The following PRKD1 variants were observed in gnomAD, a reference collection of about 807,000 sequenced individuals.
PRKD1 encodes protein kinase D1, also known as serine/threonine-protein kinase D1.
A neutral mutation model predicts 95.9 loss-of-function variants in PRKD1; 63 were observed. The ratio of observed to expected loss-of-function variants is 0.66; its 90% CI spans 0.54 to 0.81. PRKD1 has a LOEUF of 0.81. Among genes scored for constraint, PRKD1 ranks in the 30% least tolerant of loss-of-function variants. PRKD1 has a pLI of 0.00. For missense variants in PRKD1, 1,048 were observed against 1,165.3 expected (o/e 0.90, Z 1.47); for synonymous variants, 425 against 423.1 (o/e 1.00, Z -0.05).
rs577709042 is a variant in PRKD1 at position 29,796,528 on chromosome 14, A to G, written c.265-70854T>C. Among the ~76,000 whole-genome samples, 20 of 152,306 alleles carry G rather than the reference A, an allele frequency of 1.3e-4. No individual in the cohort carries two copies. The South Asian group carries it at 2.7e-3, about 20-fold the overall frequency. On this transcript the variant is annotated intron_variant, in intron 1 of 17. Coordinates refer to ENST00000331968, the MANE Select transcript of PRKD1 (RefSeq NM_002742.3). ...CAGTCTATAAATCATATTTAATGTCATGAGACTGAATGAGATCCCCAACAA... is the reference window on the plus strand; with the variant it reads ...CAGTCTATAAATCATATTTAATGTCGTGAGACTGAATGAGATCCCCAACAA...
intron 9 of PRKD1, among the ~76,000 whole-genome samples, chr14:29,632,045 C>T (rs1265517202): frequency 6.6e-6 from 1 of 152,086 alleles, no homozygotes; most frequent in Non-Finnish European, 1.5e-5. Context: ...AAATGATCCA[C>T]CTGCCTCGGC....
At chr14:29,861,048 T>C (rs952696524) in intron 1 of PRKD1, among the ~76,000 whole-genome samples, 3 of 152,228 alleles carry the variant, frequency 2.0e-5, no homozygotes, top group Non-Finnish European at 4.4e-5. Context: ...CTTTTTAATA[T>C]TTGTATTAAA....
intron 1 of PRKD1, among the ~76,000 whole-genome samples, chr14:29,824,100 T>G (rs1240326607): frequency 2.0e-5 from 3 of 152,126 alleles, no homozygotes; most frequent in Non-Finnish European, 4.4e-5. Context: ...GAATTTTAAG[T>G]GAGTTATCAG....
intron 1 of PRKD1, among the ~76,000 whole-genome samples, chr14:29,876,155 T>A (rs780641635): frequency 6.6e-6 from 1 of 152,370 alleles, no homozygotes; most frequent in Non-Finnish European, 1.5e-5. Flanking sequence ...GGCTATTCAC[T>A]ATTCAAACAT....
At chr14:29,784,703 C>T (rs770821248) in intron 1 of PRKD1, among the ~76,000 whole-genome samples, 2 of 152,126 alleles carry the variant, frequency 1.3e-5, no homozygotes, top group South Asian at 4.1e-4. Context: ...TGAGGGTTCA[C>T]GGTTCAGCGT....
intron 1 of PRKD1, among the ~76,000 whole-genome samples, chr14:29,864,262 C>CAT (rs957064765): frequency 1.3e-4 from 19 of 151,758 alleles, no homozygotes; most frequent in Non-Finnish European, 2.2e-4. Flanking sequence ...AATCAAAGAA[C>CAT]ATATATATAT....
intron 1 of PRKD1, among the ~76,000 whole-genome samples, chr14:29,829,598 G>A (rs189393755): frequency 8.5e-5 from 13 of 152,258 alleles, no homozygotes; most frequent in Non-Finnish European, 1.8e-4. Context: ...TACTCTTGAT[G>A]TAATAAGAGA....
intron 16 of PRKD1, chr14:29,592,607 C>T (rs1000848723): frequency 1.1e-4 from 17 of 151,996 alleles, no homozygotes; most frequent in African/African-American, 4.1e-4. Context: ...TATAAAGTGA[C>T]TGGGAAACGG....
At chr14:29,720,372 G>A (rs967086834) in intron 2 of PRKD1, among the ~76,000 whole-genome samples, 2 of 152,066 alleles carry the variant, frequency 1.3e-5, no homozygotes, top group African/African-American at 4.8e-5. Flanking sequence ...CTATCCTCAT[G>A]CCTAATACTT....
At chr14:29,684,851 T>C (rs1883763671) in intron 2 of PRKD1, among the ~76,000 whole-genome samples, 1 of 152,218 alleles carries the variant, frequency 6.6e-6, no homozygotes, top group African/African-American at 2.4e-5. Context: ...AATTAAGGCA[T>C]GCAATTTTTC....
chr14:29,812,444 C>T (rs192971205), intron 1 of PRKD1, among the ~76,000 whole-genome samples: 66 of 152,202 alleles, frequency 4.3e-4, no homozygotes, highest in African/African-American at 1.2e-3. Flanking sequence ...AGGAGGAAAG[C>T]GTTCAGTTAT....
rs577280413 is a variant in PRKD1 at position 29,897,739 on chromosome 14, TACTC to T, written c.264+29506_264+29509del. Among the ~76,000 whole-genome samples, 5 of 152,164 alleles carry T rather than the reference TACTC, an allele frequency of 3.3e-5. No individual in the cohort carries two copies. In the South Asian group the frequency reaches 6.2e-4, roughly 19 times the overall value. ...GAGGTGCATCTATGAAAGACTGACT[TACTC>T]ACTTGGCAGAAACTGGTTGCTTCCA... On this transcript the variant is annotated intron_variant, in intron 1 of 17. Transcript: ENST00000331968.
intron 2 of PRKD1, among the ~76,000 whole-genome samples, chr14:29,708,505 A>G (rs1490179682): frequency 2.0e-5 from 3 of 152,182 alleles, no homozygotes; most frequent in African/African-American, 7.2e-5. Context: ...GTTCTTACTA[A>G]TTAGTCTCAG....
At chr14:29,758,586 G>A (rs1158142245) in intron 1 of PRKD1, among the ~76,000 whole-genome samples, 1 of 152,172 alleles carries the variant, frequency 6.6e-6, no homozygotes, top group African/African-American at 2.4e-5. Flanking sequence ...ATATCAGGAC[G>A]TATTTATATC....
rs1295913264 is a variant in PRKD1, at chr14:29,581,717, C to T, written c.2435-3357G>A. 2.6e-5 allele frequency among the ~76,000 whole-genome samples: 4 copies of T among 152,262 alleles called. 1 individual carries two copies. The South Asian group carries it at 6.2e-4, about 24-fold the overall frequency. ...TCCACCACACTTTTATGTGCTTGAA[C>T]GCAAGGATGTGTGTGTATGTGTATG... On this transcript the variant is annotated intron_variant, in intron 16 of 17. Transcript: ENST00000331968.
chr14:29,922,259 C>T (rs896152191), intron 1 of PRKD1, among the ~76,000 whole-genome samples: 2 of 150,068 alleles, frequency 1.3e-5, no homozygotes, highest in African/African-American at 4.9e-5. Context: ...CGAGATTGCA[C>T]CACTGCACTC....
At chr14:29,764,243 T>C (rs1189206141) in intron 1 of PRKD1, among the ~76,000 whole-genome samples, 1 of 151,882 alleles carries the variant, frequency 6.6e-6, no homozygotes, top group Non-Finnish European at 1.5e-5. Context: ...TCAGTAATGA[T>C]GAACTAAATT....
intron 13 of PRKD1, 128 bp from the exon 14 acceptor site, chr14:29,599,945 TC>T: frequency 1.5e-6 from 1 of 689,140 alleles, no homozygotes; most frequent in Non-Finnish European, 2.2e-6. Context: ...TTTTAACACC[TC>T]TACATTCCAC....
intron 1 of PRKD1, among the ~76,000 whole-genome samples, chr14:29,847,573 C>T (rs1566634121): frequency 6.6e-6 from 1 of 152,110 alleles, no homozygotes; most frequent in Non-Finnish European, 1.5e-5. Flanking sequence ...AACTTGTTTA[C>T]AGCTTTCTAT....
Sources: allele counts gnomAD v4.1 joint callset (sites outside exome capture counted in the v4.1 genomes callset), GRCh38; gene constraint gnomAD v4.1.1; transcripts MANE v1.5; gene names NCBI Gene and HGNC (gene_info 2026-07-23, HGNC 2026-07-21).